The following RNF220 variants were observed in gnomAD, a reference collection of about 807,000 sequenced individuals.
RNF220 encodes the protein ring finger protein 220.
RNF220 carries 7 observed loss-of-function variants against 67.1 expected under a neutral mutation model. The observed-to-expected ratio is 0.10, with a 90% CI of 0.06 to 0.20. RNF220 has a LOEUF of 0.20. Ranked by LOEUF, RNF220 falls within the 10% of genes least tolerant of loss-of-function variation. The pLI is 1.00. For missense variants in RNF220, 565 were observed against 740.3 expected, an observed-to-expected ratio of 0.76 and a Z score of 2.75; for synonymous variants, 270 against 283.2, an observed-to-expected ratio of 0.95 and a Z score of 0.47.
intron 2 of RNF220, among the ~76,000 whole-genome samples, chr1:44,561,919 A>AAG (rs150540744): frequency 1.4e-3 from 213 of 151,282 alleles, no homozygotes; most frequent in Middle Eastern, 0.014. Flanking sequence ...CCTGTCTCAA[A>AAG]AGAGAGAGAG....
At chr1:44,587,604 G>A (rs930502970) in intron 2 of RNF220, among the ~76,000 whole-genome samples, 15 of 152,132 alleles carry the variant, frequency 9.9e-5, no homozygotes, top group African/African-American at 1.4e-4. Context: ...CTCTTGCCCC[G>A]CAGGCTGCTG....
intron 2 of RNF220, among the ~76,000 whole-genome samples, chr1:44,488,284 C>T (rs534361620): frequency 1.9e-4 from 29 of 151,624 alleles, no homozygotes; most frequent in East Asian, 1.4e-3. Flanking sequence ...TATAGGCGTG[C>T]GCCACCACAC....
Position 44,619,766 on chromosome 1 carries a change from C to T in RNF220, c.759-2976C>T, listed in dbSNP as rs143021154. ...GCGGGAGCCAGGCTGCCTACAGCTG[C>T]GGACCTCAGACCTGTCTTCTATGAG... On this transcript the variant is annotated intron_variant, in intron 3 of 14. Coordinates refer to ENST00000361799, the MANE Select transcript of RNF220 (RefSeq NM_018150.4). Among the ~76,000 whole-genome samples the T allele has an allele frequency of 5.2e-3, 789 of 152,228 alleles. 5 individuals are homozygous for T. Among genetic ancestry groups the T allele is most frequent in the African/African-American group, 0.018 (756 of 41,536 alleles).
intron 2 of RNF220, among the ~76,000 whole-genome samples, chr1:44,523,498 A>G (rs753604551): frequency 6.6e-6 from 1 of 152,122 alleles, no homozygotes; most frequent in Non-Finnish European, 1.5e-5. Flanking sequence ...CGCTTCCTGA[A>G]TGCCATCCCC....
At chr1:44,498,369 T>C (rs1657534580) in intron 2 of RNF220, among the ~76,000 whole-genome samples, 2 of 152,040 alleles carry the variant, frequency 1.3e-5, no homozygotes, top group Non-Finnish European at 2.9e-5. Context: ...TTTGCTTCAG[T>C]CACTACACAA....
At chr1:44,455,479 G>T (rs1653085280) in intron 2 of RNF220, among the ~76,000 whole-genome samples, 1 of 152,190 alleles carries the variant, frequency 6.6e-6, no homozygotes, top group Non-Finnish European at 1.5e-5. Flanking sequence ...TCTCCTGGGG[G>T]CTCATGGGGC....
chr1:44,502,614 C>G (rs1301647453), intron 2 of RNF220, among the ~76,000 whole-genome samples: 1 of 152,098 alleles, frequency 6.6e-6, no homozygotes, highest in African/African-American at 2.4e-5. Context: ...GGAGCTTATT[C>G]TTAAACAGAA....
At chr1:44,520,723 C>A (rs270723) in intron 2 of RNF220, among the ~76,000 whole-genome samples, 147,458 of 152,286 alleles carry the variant, frequency 0.97, 71,564 homozygotes, top group East Asian at 1. Context: ...CATTATAATT[C>A]CTGTTTTTCT....
chr1:44,437,532 A>G (rs898358971), intron 2 of RNF220, among the ~76,000 whole-genome samples: 1 of 152,190 alleles, frequency 6.6e-6, no homozygotes, highest in Non-Finnish European at 1.5e-5. Flanking sequence ...TGAGTCTGTC[A>G]ATACATTTAC....
At chr1:44,609,648 C>G (rs1376288014) in intron 2 of RNF220, among the ~76,000 whole-genome samples, 1 of 152,234 alleles carries the variant, frequency 6.6e-6, no homozygotes, top group Non-Finnish European at 1.5e-5. Flanking sequence ...GAGGGCTGAT[C>G]TAGGACCCCG....
intron 2 of RNF220, among the ~76,000 whole-genome samples, chr1:44,467,121 A>G (rs1654342232): frequency 6.6e-6 from 1 of 152,212 alleles, no homozygotes; most frequent in Non-Finnish European, 1.5e-5. Flanking sequence ...CTCCATCAGC[A>G]CTTGCTACTC....
At chr1:44,523,669 C>A (rs1355634420) in intron 2 of RNF220, among the ~76,000 whole-genome samples, 6 of 151,944 alleles carry the variant, frequency 3.9e-5, no homozygotes, top group Admixed American at 1.3e-4. Flanking sequence ...TTTGAAAGAA[C>A]CTGCTTCGCA....
intron 5 of RNF220, chr1:44,626,668 G>T (rs1053276690): frequency 2.2e-6 from 1 of 463,210 alleles, no homozygotes; most frequent in Admixed American, 3.6e-5. Context: ...TATCCATCAG[G>T]AAGTATCCTA....
chr1:44,455,077 A>ATT (rs1653045950), intron 2 of RNF220, among the ~76,000 whole-genome samples: 1 of 152,236 alleles, frequency 6.6e-6, no homozygotes, highest in African/African-American at 2.4e-5. Context: ...TTGCTGGGTT[A>ATT]AATGGTAAGT....
intron 2 of RNF220, among the ~76,000 whole-genome samples, chr1:44,438,576 A>G (rs2147889555): frequency 6.6e-6 from 1 of 152,334 alleles, no homozygotes; most frequent in South Asian, 2.1e-4. Flanking sequence ...AATGAATAAT[A>G]CAGGTAAGGT....
upstream of RNF220, chr1:44,405,212 C>T (rs1647230325): frequency 1.8e-4 from 60 of 325,240 alleles, no homozygotes; most frequent in South Asian, 3.4e-4. Flanking sequence ...TGTGTGTGTG[C>T]GCGCGTGTGT....
At chr1:44,545,977 C>T (rs188407977) in intron 2 of RNF220, among the ~76,000 whole-genome samples, 1 of 152,232 alleles carries the variant, frequency 6.6e-6, no homozygotes, top group East Asian at 1.9e-4. Flanking sequence ...GTTCTCCTAC[C>T]TCATTGCAAA....
At chr1:44,524,121 G>C (rs1660166171) in intron 2 of RNF220, among the ~76,000 whole-genome samples, 2 of 151,924 alleles carry the variant, frequency 1.3e-5, no homozygotes, top group African/African-American at 4.8e-5. Context: ...TGCTGGAGGG[G>C]GGCAAAGGGA....
chr1:44,526,593 C>A (rs949204771), intron 2 of RNF220, among the ~76,000 whole-genome samples: 1 of 152,166 alleles, frequency 6.6e-6, no homozygotes, highest in African/African-American at 2.4e-5. Context: ...GCCCATCACT[C>A]CTCCTCCTTC....
Sources: allele counts gnomAD v4.1 joint callset (sites outside exome capture counted in the v4.1 genomes callset), GRCh38; gene constraint gnomAD v4.1.1; transcripts MANE v1.5; gene names NCBI Gene and HGNC (gene_info 2026-07-23, HGNC 2026-07-21).